AMPH: variants seen among roughly 807,000 people sequenced by gnomAD.
The protein encoded by AMPH is amphiphysin, also known as amphiphysin (Stiff-Mann syndrome with breast cancer 128kD autoantigen).
Under a neutral mutation model 99.1 loss-of-function variants are expected in AMPH, and 49 were observed. The ratio of observed to expected loss-of-function variants is 0.49; its 90% CI spans 0.39 to 0.63. The LOEUF (loss-of-function observed/expected upper bound fraction) is 0.63. AMPH is among the 20% of genes least tolerant of loss of function. The pLI is 0.00. For synonymous variants in AMPH, 314 were observed against 317.3 expected (o/e 0.99, Z 0.11); for missense variants, 759 against 863.4 (o/e 0.88, Z 1.52).
chr7:38,610,321 GAAAAGA>G (rs1562860421), intron 1 of AMPH, among the ~76,000 whole-genome samples: 14 of 25,722 alleles, frequency 5.4e-4, no homozygotes, highest in African/African-American at 2.4e-3. Context: ...GAAAAGAAAA[GAAAAGA>G]AAAGAAAAAA....
intron 1 of AMPH, among the ~76,000 whole-genome samples, chr7:38,587,462 G>C (rs1013015921): frequency 1.3e-5 from 2 of 152,136 alleles, no homozygotes; most frequent in Non-Finnish European, 2.9e-5. Context: ...CTGATATTTG[G>C]ATCACATTTT....
chr7:38,407,483 A>G (rs972199752), intron 17 of AMPH, among the ~76,000 whole-genome samples: 5 of 152,016 alleles, frequency 3.3e-5, no homozygotes, highest in African/African-American at 1.2e-4. Flanking sequence ...GAGGAGGCTG[A>G]AGGTTGGAAA....
intron 1 of AMPH, among the ~76,000 whole-genome samples, chr7:38,574,349 G>A (rs1792154333): frequency 6.6e-6 from 1 of 152,194 alleles, no homozygotes; most frequent in African/African-American, 2.4e-5. Flanking sequence ...CACGGCATCT[G>A]GCCGGCAGAC....
chr7:38,423,416 T>C (rs1308124979), intron 15 of AMPH, among the ~76,000 whole-genome samples: 1 of 152,154 alleles, frequency 6.6e-6, no homozygotes, highest in African/African-American at 2.4e-5. Context: ...ACAAAATGCC[T>C]GAAGAAATTG....
intron 1 of AMPH, among the ~76,000 whole-genome samples, chr7:38,604,181 C>T (rs1793350958): frequency 6.6e-6 from 1 of 152,170 alleles, no homozygotes; most frequent in African/African-American, 2.4e-5. Context: ...TTCACCTGTG[C>T]TCTAAGATCT....
chr7:38,438,223 A>G (rs1043873661), intron 11 of AMPH, among the ~76,000 whole-genome samples: 3 of 152,236 alleles, frequency 2.0e-5, no homozygotes, highest in African/African-American at 7.2e-5. Context: ...TAATGTTGAC[A>G]ACACTTTATT....
chr7:38,564,961 A>G (rs12533937), intron 1 of AMPH, among the ~76,000 whole-genome samples: 4,105 of 152,060 alleles, frequency 0.027, 265 homozygotes, highest in East Asian at 0.17. Context: ...TGTCTCTACT[A>G]AAAATACAAA....
At chr7:38,468,959 C>T (rs1207913495) in intron 7 of AMPH, among the ~76,000 whole-genome samples, 1 of 70,622 alleles carries the variant, frequency 1.4e-5, no homozygotes, top group African/African-American at 6.5e-5. Flanking sequence ...TCGAGACCAT[C>T]CCGGCTAAAA....
intron 1 of AMPH, among the ~76,000 whole-genome samples, chr7:38,614,955 A>G (rs1793825743): frequency 6.6e-6 from 1 of 152,234 alleles, no homozygotes; most frequent in African/African-American, 2.4e-5. Flanking sequence ...CGATATAAGT[A>G]TAATGACACG....
intron 14 of AMPH, chr7:38,428,964 T>G (rs1303356037): frequency 8.0e-7 from 1 of 1,257,734 alleles, no homozygotes; most frequent in Non-Finnish European, 1.0e-6. Flanking sequence ...ATTAAGAAGT[T>G]CTACCACTCT....
intron 1 of AMPH, among the ~76,000 whole-genome samples, 185 bp downstream of exon 1, chr7:38,631,098 C>T (rs1562872183): frequency 6.6e-6 from 1 of 151,920 alleles, no homozygotes; most frequent in Non-Finnish European, 1.5e-5. Context: ...CTCCCCGCGG[C>T]GCCCGGGTCG....
chr7:38,421,241 G>A (rs367842357), intron 16 of AMPH, among the ~76,000 whole-genome samples: 1 of 152,328 alleles, frequency 6.6e-6, no homozygotes, highest in African/African-American at 2.4e-5. Context: ...TTGCATCCGT[G>A]TAGTAGGTGT....
chr7:38,405,652 C>CTA lies in AMPH; in HGVS notation c.1399-11440_1399-11439dup, dbSNP rs765672630. On this transcript the variant is annotated intron_variant, in intron 17 of 20. Transcript: ENST00000356264. ...AATTCAACAAGAAGATTTAACTATCCTATATATATATATGTAGATATATAG... is the reference window on the plus strand; with the variant it reads ...AATTCAACAAGAAGATTTAACTATCCTATATATATATATATGTAGATATATAG... 1.8e-4 allele frequency among the ~76,000 whole-genome samples: 27 copies of CTA among 151,250 alleles called. 2 individuals are homozygous for CTA. In the South Asian group the frequency reaches 2.1e-3, roughly 12 times the overall value.
chr7:38,400,163 C>T (rs992738631), intron 17 of AMPH, among the ~76,000 whole-genome samples: 1 of 152,100 alleles, frequency 6.6e-6, no homozygotes, highest in East Asian at 1.9e-4. Flanking sequence ...GCAACCTCCG[C>T]CCCCCAGGTT....
At chr7:38,460,073 C>A (rs1036188851) in intron 11 of AMPH, among the ~76,000 whole-genome samples, 2 of 151,956 alleles carry the variant, frequency 1.3e-5, no homozygotes, top group African/African-American at 4.8e-5. Flanking sequence ...AAATGGCCAA[C>A]AGATATATAA....
intron 17 of AMPH, among the ~76,000 whole-genome samples, chr7:38,404,351 G>GA (rs1191343616): frequency 6.6e-6 from 1 of 151,988 alleles, no homozygotes. Context: ...GGAGACTGAA[G>GA]ACCAAATAAA....
At chr7:38,571,280 T>G (rs1487539983) in intron 1 of AMPH, among the ~76,000 whole-genome samples, 3 of 37,350 alleles carry the variant, frequency 8.0e-5, no homozygotes, top group Non-Finnish European at 1.3e-4. Context: ...TATATATATT[T>G]TTATATATAT....
At chr7:38,424,432 G>A (rs551543320) in intron 15 of AMPH, among the ~76,000 whole-genome samples, 20 of 152,188 alleles carry the variant, frequency 1.3e-4, no homozygotes, top group Non-Finnish European at 2.4e-4. Flanking sequence ...CATGACACAA[G>A]AAGAAGATGC....
At chr7:38,515,356 TTC>T (rs1789698207) in intron 2 of AMPH, among the ~76,000 whole-genome samples, 1 of 152,178 alleles carries the variant, frequency 6.6e-6, no homozygotes, top group East Asian at 1.9e-4. Context: ...CCCCTTGCTA[TTC>T]TCATAATAGT....
Sources: gnomAD v4.1 joint callset for allele counts (sites outside exome capture counted in the v4.1 genomes callset) on GRCh38, gnomAD v4.1.1 for gene constraint, MANE v1.5 for transcripts, NCBI Gene and HGNC (gene_info 2026-07-23, HGNC 2026-07-21) for gene names.